The following COL24A1 variants were observed in gnomAD, a reference collection of about 807,000 sequenced individuals.
COL24A1 encodes collagen alpha-1(XXIV) chain.
COL24A1 carries 224 observed loss-of-function variants against 253.9 expected under a neutral mutation model. The observed-to-expected ratio is 0.88, with a 90% CI of 0.79 to 0.99. The LOEUF is 0.99. COL24A1 is among the 50% of genes least tolerant of loss of function. The probability of loss-of-function intolerance (pLI) is 0.00; values close to 1 mark genes in which losing one functional copy is unlikely to be tolerated. For synonymous variants in COL24A1, 685 were observed against 673.7 expected, an observed-to-expected ratio of 1.02 and a Z score of -0.26; for missense variants, 2,131 against 2,068.5, an observed-to-expected ratio of 1.03 and a Z score of -0.59.
intron 37 of COL24A1, among the ~76,000 whole-genome samples, chr1:85,861,527 T>C (rs1046503779): frequency 1.3e-5 from 2 of 152,180 alleles, no homozygotes; most frequent in Non-Finnish European, 1.5e-5. Context: ...GTTTTAGCTC[T>C]TACATTTAGG....
At chr1:85,743,958 C>T (rs951098720) in intron 57 of COL24A1, among the ~76,000 whole-genome samples, 2 of 151,948 alleles carry the variant, frequency 1.3e-5, no homozygotes, top group African/African-American at 4.8e-5. Flanking sequence ...ATTAAAATGA[C>T]CACAGAATAA....
chr1:85,793,409 GAGA>G (rs1670498363), intron 47 of COL24A1, among the ~76,000 whole-genome samples: 1 of 151,810 alleles, frequency 6.6e-6, no homozygotes, highest in Non-Finnish European at 1.5e-5. Flanking sequence ...CTCACAGAAG[GAGA>G]AATAGAGGAA....
intron 24 of COL24A1, among the ~76,000 whole-genome samples, chr1:85,941,398 G>A (rs1483991660): frequency 6.6e-6 from 1 of 152,054 alleles, no homozygotes; most frequent in African/African-American, 2.4e-5. Context: ...AGGATTATTA[G>A]TCTAAAGACA....
chr1:85,987,543 G>A, intron 20 of COL24A1, 58 bp downstream of exon 20: 1 of 1,401,454 alleles, frequency 7.1e-7, no homozygotes, highest in Non-Finnish European at 1.0e-6. Context: ...CATTTATTGA[G>A]AATCAGGAGC....
intron 5 of COL24A1, among the ~76,000 whole-genome samples, chr1:86,097,524 CTCCT>C (rs1346054439): frequency 1.9e-3 from 14 of 7,476 alleles, no homozygotes; most frequent in Non-Finnish European, 3.2e-3. Flanking sequence ...CTCCTCCTCC[CTCCT>C]CCCTCCTCCT....
intron 23 of COL24A1, among the ~76,000 whole-genome samples, chr1:85,962,169 C>A (rs1691148176): frequency 6.6e-6 from 1 of 152,200 alleles, no homozygotes; most frequent in African/African-American, 2.4e-5. Flanking sequence ...AGAATACATG[C>A]CACAGGTTAA....
At chr1:86,063,832 A>G in intron 7 of COL24A1, 73 bp from the exon 8 acceptor site, 3 of 1,112,690 alleles carry the variant, frequency 2.7e-6, no homozygotes, top group African/African-American at 3.2e-5. Context: ...CATAGGTTGC[A>G]AGTTGCCTTA....
chr1:85,828,488 C>A (rs1241324437), intron 43 of COL24A1, among the ~76,000 whole-genome samples: 1 of 151,206 alleles, frequency 6.6e-6, no homozygotes, highest in East Asian at 1.9e-4. Flanking sequence ...TGTTGACTTT[C>A]TGTCTCGTTG....
intron 24 of COL24A1, among the ~76,000 whole-genome samples, chr1:85,944,868 G>A (rs1233397131): frequency 6.6e-6 from 1 of 151,130 alleles, no homozygotes; most frequent in Non-Finnish European, 1.5e-5. Flanking sequence ...TTGTTCTTGC[G>A]ATAGTTTACT....
intron 4 of COL24A1, 115 bp downstream of exon 4, chr1:86,115,210 G>A (rs1706019997): frequency 1.9e-5 from 19 of 985,804 alleles, no homozygotes; most frequent in Non-Finnish European, 2.7e-5. Context: ...GTAGGACTAA[G>A]TTTGAAGATC....
chr1:86,016,702 A>T (rs2101230466), intron 19 of COL24A1, among the ~76,000 whole-genome samples: 1 of 152,324 alleles, frequency 6.6e-6, no homozygotes, highest in Middle Eastern at 3.4e-3. Flanking sequence ...CCATTAAACC[A>T]AAGTCAAAAA....
chr1:85,784,449 C>A, intron 48 of COL24A1, 83 bp from the exon 49 acceptor site: 1 of 933,896 alleles, frequency 1.1e-6, no homozygotes, highest in Admixed American at 1.9e-5. Context: ...AATACAGGCC[C>A]ATCCTTAGGC....
chr1:85,819,848 C>CTT (rs550894402), intron 45 of COL24A1, among the ~76,000 whole-genome samples: 16 of 135,872 alleles, frequency 1.2e-4, no homozygotes, highest in South Asian at 4.8e-4. Flanking sequence ...TTCTCTTTTC[C>CTT]TTTTTTTTTT....
chr1:85,826,880 A>C (rs1250905368), intron 43 of COL24A1, among the ~76,000 whole-genome samples: 3 of 152,202 alleles, frequency 2.0e-5, no homozygotes, highest in Non-Finnish European at 4.4e-5. Context: ...AAGAGGGACA[A>C]TTTGACTTCC....
intron 9 of COL24A1, 27 bp downstream of exon 9, chr1:86,059,094 A>G (rs749747752): frequency 1.3e-6 from 2 of 1,540,468 alleles, no homozygotes; most frequent in South Asian, 1.2e-5. Flanking sequence ...GAACACAAAG[A>G]GAAAAGTCTA....
chr1:86,016,186 G>A (rs477862), intron 19 of COL24A1, among the ~76,000 whole-genome samples: 47,271 of 151,652 alleles, frequency 0.31, 7,877 homozygotes, highest in Middle Eastern at 0.51. Context: ...TTTTTGAACT[G>A]TCAATACCCA....
intron 47 of COL24A1, among the ~76,000 whole-genome samples, chr1:85,789,963 T>C (rs1366763564): frequency 6.6e-5 from 10 of 152,184 alleles, no homozygotes; most frequent in Non-Finnish European, 1.0e-4. Flanking sequence ...CAGGATATTA[T>C]TGAGGATTTT....
At chr1:85,934,420 T>C (rs1197338269) in intron 24 of COL24A1, among the ~76,000 whole-genome samples, 1 of 152,226 alleles carries the variant, frequency 6.6e-6, no homozygotes, top group Non-Finnish European at 1.5e-5. Flanking sequence ...TAGTTTTCTT[T>C]AGTTTCTTGC....
chr1:85,992,787 C>T (rs12134342), intron 19 of COL24A1, among the ~76,000 whole-genome samples: 40,057 of 151,930 alleles, frequency 0.26, 6,505 homozygotes, highest in Non-Finnish European at 0.35. Flanking sequence ...TGTTTTACCA[C>T]CTCAGTTAAG....
Sources: gnomAD v4.1 joint callset for allele counts (sites outside exome capture counted in the v4.1 genomes callset) on GRCh38, gnomAD v4.1.1 for gene constraint, MANE v1.5 for transcripts, NCBI Gene and HGNC (gene_info 2026-07-23, HGNC 2026-07-21) for gene names.